Variants in SF3B3 observed in about 807,000 individuals in gnomAD.
The protein encoded by SF3B3 is splicing factor 3b subunit 3.
Under a neutral mutation model 139.2 loss-of-function variants are expected in SF3B3, and 33 were observed. That is an observed-to-expected ratio of 0.24 (90% CI 0.18 to 0.32). SF3B3 has a LOEUF of 0.32. Ranked by LOEUF, SF3B3 falls within the 10% of genes least tolerant of loss-of-function variation. The probability of loss-of-function intolerance (pLI) is 1.00; values close to 1 mark genes in which losing one functional copy is unlikely to be tolerated. For synonymous variants in SF3B3, 596 were observed against 563.6 expected (o/e 1.06, Z -0.81); for missense variants, 818 against 1,509.4 (o/e 0.54, Z 7.59).
chr16:70,563,505 A>G (rs1395698218), intron 17 of SF3B3, among the ~76,000 whole-genome samples: 3 of 152,186 alleles, frequency 2.0e-5, no homozygotes, highest in Admixed American at 6.5e-5. Flanking sequence ...ACTTTATTTT[A>G]TGAAGCACAG....
intron 15 of SF3B3, 131 bp from the exon 16 acceptor site, chr16:70,560,338 C>CT (rs1466005906): frequency 1.1e-5 from 10 of 910,206 alleles, no homozygotes; most frequent in Non-Finnish European, 1.3e-5. Context: ...TTATTAGGAT[C>CT]TTTTTTAAAC....
chr16:70,559,541 G>A (rs1483424007), intron 15 of SF3B3, among the ~76,000 whole-genome samples: 1 of 152,086 alleles, frequency 6.6e-6, no homozygotes, highest in Non-Finnish European at 1.5e-5. Flanking sequence ...ACAAAAAATA[G>A]TTGGGAATGG....
chr16:70,550,024 A>T (rs2050307023), intron 11 of SF3B3, among the ~76,000 whole-genome samples: 1 of 152,174 alleles, frequency 6.6e-6, no homozygotes, highest in Non-Finnish European at 1.5e-5. Context: ...CTCAAGACAC[A>T]GTCTAGGTAA....
chr16:70,566,675 A>G (rs951968392), intron 20 of SF3B3, among the ~76,000 whole-genome samples: 2 of 152,164 alleles, frequency 1.3e-5, no homozygotes, highest in African/African-American at 2.4e-5. Flanking sequence ...GATTCCTTCA[A>G]CCCTACCATA....
intron 1 of SF3B3, chr16:70,524,646 C>G (rs549915284): frequency 6.6e-6 from 1 of 151,736 alleles, no homozygotes; most frequent in East Asian, 2.0e-4. Context: ...CCCGAGTAGA[C>G]TAGCTGGGAT....
intron 1 of SF3B3, among the ~76,000 whole-genome samples, chr16:70,525,744 G>C (rs543734997): frequency 1.1e-4 from 16 of 152,014 alleles, no homozygotes; most frequent in African/African-American, 3.6e-4. Context: ...GAGGCGGGCG[G>C]ATCACGAAGT....
intron 3 of SF3B3, chr16:70,529,413 G>T (rs1256334098): frequency 1.8e-6 from 1 of 552,528 alleles, no homozygotes; most frequent in Non-Finnish European, 3.2e-6. Flanking sequence ...TTCCCATCTA[G>T]TTGGAAATGG....
intron 15 of SF3B3, among the ~76,000 whole-genome samples, chr16:70,559,317 T>C (rs1263809583): frequency 6.6e-6 from 1 of 152,166 alleles, no homozygotes; most frequent in Non-Finnish European, 1.5e-5. Context: ...ATTGTTCACC[T>C]GTTTTCAGAG....
At chr16:70,535,812 A>T (rs1156445368) in intron 6 of SF3B3, among the ~76,000 whole-genome samples, 1 of 152,060 alleles carries the variant, frequency 6.6e-6, no homozygotes, top group African/African-American at 2.4e-5. Context: ...TTTAAAAACA[A>T]TGAACAATGA....
chr16:70,566,353 A>T (rs1359352667), intron 20 of SF3B3, among the ~76,000 whole-genome samples: 1 of 152,102 alleles, frequency 6.6e-6, no homozygotes, highest in South Asian at 2.1e-4. Flanking sequence ...ACCTGAGCTC[A>T]GGAGTTCAAA....
intron 9 of SF3B3, among the ~76,000 whole-genome samples, chr16:70,542,939 G>A (rs2050233454): frequency 1.3e-5 from 2 of 151,738 alleles, no homozygotes; most frequent in African/African-American, 4.8e-5. Flanking sequence ...TAGCCAGGAT[G>A]GTCTCGATAT....
chr16:70,554,375 C>G lies in SF3B3; in HGVS notation c.1403-71C>G. ...CCTTGGAAGGTTTCTGAAGAGAACT[C>G]TTAGTGTTTCATTTGGCTTTGTAAT... On this transcript the variant is annotated intron_variant, in intron 11 of 25. Transcript: ENST00000302516. The G allele has an allele frequency of 2.7e-6, 4 of 1,467,216 alleles. No homozygotes were observed. In the South Asian group the frequency reaches 3.6e-5, roughly 13 times the overall value. The allele number at this position is 1,467,216 out of a possible 1,614,324, so 90.9% of individuals were successfully genotyped here.
In SF3B3 at chr16:70,573,721, CCT is replaced by C. The variant is rs1328375357; in HGVS notation, c.*1914_*1915del. 3 of 152,216 alleles carry C rather than the reference CCT, an allele frequency of 2.0e-5. No individual in the cohort carries two copies. The highest frequency in any genetic ancestry group is 7.2e-5 in the African/African-American group (3 of 41,454). 9.4% of individuals were successfully genotyped at this position (152,216 alleles called of 1,614,324 possible). On this transcript the variant is annotated 3_prime_UTR_variant, in exon 26 of 26. Coordinates refer to ENST00000302516, the MANE Select transcript of SF3B3 (RefSeq NM_012426.5). ...GATTGAGCAACCAGGTAAATAGAGA[CCT>C]CTCTCCAGCTTTGGCAAAACCCATC...
chr16:70,549,564 C>T (rs957263613), intron 11 of SF3B3, among the ~76,000 whole-genome samples: 7 of 152,248 alleles, frequency 4.6e-5, no homozygotes, highest in African/African-American at 1.7e-4. Flanking sequence ...ATTAGAAACA[C>T]GTTTTAAGAT....
At chr16:70,531,041 C>CGGAT in intron 4 of SF3B3, 124 bp downstream of exon 4, 1 of 786,734 alleles carries the variant, frequency 1.3e-6, no homozygotes, top group South Asian at 1.7e-5. Context: ...GCAAGGCTGG[C>CGGAT]GGATCATGAG....
At chr16:70,567,749 A>G (rs1403193973) in intron 21 of SF3B3, among the ~76,000 whole-genome samples, 2 of 152,128 alleles carry the variant, frequency 1.3e-5, no homozygotes, top group Non-Finnish European at 2.9e-5. Context: ...GCAGTGGCGC[A>G]ATCTCGGCTC....
At position 70,538,781 on chromosome 16, in the gene SF3B3, C is replaced by T. The variant is rs180916054; in HGVS notation, c.963+321C>T. 4.6e-5 allele frequency among the ~76,000 whole-genome samples: 7 copies of T among 152,292 alleles called. No individual in the cohort carries two copies. The East Asian group carries it at 5.8e-4, about 13-fold the overall frequency. ...TCTGTTACTTGTTTTATCCTATGGACGAGCTCTGTGAGTTGTTGGGCAATT... is the reference window on the plus strand; with the variant it reads ...TCTGTTACTTGTTTTATCCTATGGATGAGCTCTGTGAGTTGTTGGGCAATT... On this transcript the variant is annotated intron_variant, in intron 7 of 25. Transcript: ENST00000302516.
intron 11 of SF3B3, 26 bp from the exon 12 acceptor site, chr16:70,554,420 A>AC: frequency 6.2e-7 from 1 of 1,612,512 alleles, no homozygotes. Context: ...TTCTTATCTA[A>AC]CCAACTCCCT....
chr16:70,550,712 CTTATAGTTTAT>C (rs1336457834), intron 11 of SF3B3: 3 of 976,638 alleles, frequency 3.1e-6, no homozygotes, highest in Admixed American at 6.2e-5. Context: ...GATGTGGGGT[CTTATAGTTTAT>C]CCAAGGAGAG....
Sources: allele counts gnomAD v4.1 joint callset (sites outside exome capture counted in the v4.1 genomes callset), GRCh38; gene constraint gnomAD v4.1.1; transcripts MANE v1.5; gene names NCBI Gene and HGNC (gene_info 2026-07-23, HGNC 2026-07-21).